The following FANCA variants were observed in gnomAD, a reference collection of about 807,000 sequenced individuals.
FANCA encodes the protein FA complementation group A.
A neutral mutation model predicts 194.3 loss-of-function variants in FANCA; 236 were observed. That is an observed-to-expected ratio of 1.21 (90% confidence interval 1.09 to 1.35). The LOEUF (loss-of-function observed/expected upper bound fraction) is 1.35. Among genes scored for constraint, FANCA ranks in the 40% most tolerant of loss-of-function variants. FANCA has a pLI of 0.00. For synonymous variants in FANCA, 1,014 were observed against 715.8 expected (o/e 1.42, Z -6.65); for missense variants, 2,628 against 1,813.9 (o/e 1.45, Z -8.15).
At position 89,742,914 on chromosome 16, in the gene FANCA, G is replaced by C; in HGVS notation, c.3651C>G (p.Ser1217=). The C allele has an allele frequency of 6.2e-7, 1 of 1,614,142 alleles. No homozygotes were observed. Among genetic ancestry groups the C allele is most frequent in the Non-Finnish European group, 8.5e-7 (1 of 1,180,010 alleles). ...AGAGCCAGTCCGGGTTGGGTGCTGG[G>C]GAGGCAGCCTCAGGGGAGAGGAAAC... is the stretch of plus-strand genomic sequence containing the variant. ...ASDFLSPEAA[S]PAPNPDWLSA... Residue 1217 remains serine, a synonymous_variant, in exon 37 of 43, where the codon TCC becomes TCG. Transcript: ENST00000389301.
chr16:89,756,320 T>A (rs1158625866), intron 30 of FANCA, among the ~76,000 whole-genome samples: 1 of 152,192 alleles, frequency 6.6e-6, no homozygotes, highest in Non-Finnish European at 1.5e-5. Flanking sequence ...TAGCACTTAA[T>A]ACCCACTAGG....
chr16:89,767,036 C>G, intron 27 of FANCA, 105 bp downstream of exon 27: 1 of 936,370 alleles, frequency 1.1e-6, no homozygotes, highest in Non-Finnish European at 1.8e-6. Context: ...GGAGCTGCCC[C>G]TGAGATGGGC....
chr16:89,769,947 G>C lies in FANCA; in HGVS notation c.2394C>G (p.Leu798=), dbSNP rs765883419. 1.9e-6 allele frequency: 3 copies of C among 1,614,086 alleles called. No individual in the cohort carries two copies. The highest frequency in any genetic ancestry group is 1.1e-5 in the South Asian group (1 of 91,088). Residue 798 remains leucine (L), a synonymous_variant, in exon 26 of 43, where the codon CTC becomes CTG. Coordinates refer to ENST00000389301, the MANE Select transcript of FANCA (RefSeq NM_000135.4). ...AVHLGESRSA[L]PEVDVGPPAP... ...CAGGAGGACCCACATCCACCTCTGG[G>C]AGCGCAGACCTGGACTCACCCAGGT...
At chr16:89,788,237 C>T (rs760604590) in intron 14 of FANCA, among the ~76,000 whole-genome samples, 1 of 151,718 alleles carries the variant, frequency 6.6e-6, no homozygotes, top group African/African-American at 2.4e-5. Flanking sequence ...CTAAGTGGGG[C>T]GGATGACAAA....
chr16:89,781,500 C>T (rs1214259545), intron 17 of FANCA, among the ~76,000 whole-genome samples: 9 of 147,722 alleles, frequency 6.1e-5, no homozygotes, highest in African/African-American at 2.2e-4. Context: ...GGTGAAACCC[C>T]ATCTCTACTA....
At chr16:89,777,031 G>GA (rs1203401295) in intron 20 of FANCA, among the ~76,000 whole-genome samples, 1 of 152,118 alleles carries the variant, frequency 6.6e-6, no homozygotes, top group Non-Finnish European at 1.5e-5. Context: ...GCAACACAGC[G>GA]AAAATCCGTG....
chr16:89,739,933 T>C (rs1382310475), intron 39 of FANCA, 61 bp downstream of exon 39: 1 of 1,605,956 alleles, frequency 6.2e-7, no homozygotes, highest in South Asian at 1.1e-5. Flanking sequence ...CTTAACCATT[T>C]GCAAGATGCC....
intron 36 of FANCA, 157 bp downstream of exon 36, chr16:89,744,802 G>T: frequency 2.8e-6 from 2 of 720,444 alleles, no homozygotes; most frequent in Non-Finnish European, 4.9e-6. Context: ...GATTACAGGC[G>T]CCCACCACCA....
At chr16:89,760,564 C>T (rs552778349) in intron 29 of FANCA, among the ~76,000 whole-genome samples, 22 of 152,268 alleles carry the variant, frequency 1.4e-4, no homozygotes, top group African/African-American at 4.1e-4. Flanking sequence ...ATTCCCCTCT[C>T]CCTGACCTCC....
At chr16:89,804,860 C>T (rs1020660719) in intron 7 of FANCA, among the ~76,000 whole-genome samples, 14 of 151,924 alleles carry the variant, frequency 9.2e-5, no homozygotes, top group African/African-American at 3.1e-4. Flanking sequence ...AATGAAACCC[C>T]GTCTCTACTA....
At position 89,784,893 on chromosome 16, in the gene FANCA, C is replaced by G. The variant is rs776871665; in HGVS notation, c.1431G>C (p.Leu477Phe). The G allele has an allele frequency of 2.5e-6, 4 of 1,614,158 alleles. No homozygotes were observed. The highest frequency in any genetic ancestry group is 3.4e-6 in the Non-Finnish European group (4 of 1,180,020). The change falls in exon 15 of 43, where the codon TTG becomes TTC. Residue 477 changes from leucine (L) to phenylalanine (F), a missense_variant. Leu to Phe is a conservative substitution (Grantham distance 22, BLOSUM62 0). Transcript: ENST00000389301. The stretch of plus-strand genomic sequence containing the variant: ...GAGACTCAAAAGGCACGAGTTCTGA[C>G]AAGAACGTAAACAGGAAGACCAGGG... ...KKALVFLFTF[L>F]SELVPFESPR...
chr16:89,770,970 A>G (rs754786216), intron 23 of FANCA, among the ~76,000 whole-genome samples: 1 of 152,046 alleles, frequency 6.6e-6, no homozygotes, highest in Non-Finnish European at 1.5e-5. Context: ...GTCGAGCCCA[A>G]CCTGGTCAAC....
chr16:89,808,172 G>A lies in FANCA; in HGVS notation c.596+122C>T, dbSNP rs1357979960. 4.6e-5 allele frequency: 40 copies of A among 874,784 alleles called. 1 individual carries two copies. Among genetic ancestry groups the A allele is most frequent in the South Asian group, 4.2e-4 (32 of 75,814 alleles). The allele number at this position is 874,784 out of a possible 1,614,324, so 54.2% of individuals were successfully genotyped here. On this transcript the variant is annotated intron_variant, in intron 6 of 42. Coordinates refer to ENST00000389301, the MANE Select transcript of FANCA (RefSeq NM_000135.4). Reference sequence around the variant, plus strand: ...TAGTATAAATATGCAATGCAATCTAGTCTAGTACAAATTATATGTCAAAGC... The same window carrying A: ...TAGTATAAATATGCAATGCAATCTAATCTAGTACAAATTATATGTCAAAGC...
At chr16:89,807,800 G>A (rs796797314) in intron 6 of FANCA, among the ~76,000 whole-genome samples, 35 of 151,810 alleles carry the variant, frequency 2.3e-4, no homozygotes, top group South Asian at 4.2e-4. Context: ...GGAGAATGGC[G>A]TGAACCCGGG....
chr16:89,763,071 C>G (rs1388990850), intron 28 of FANCA, among the ~76,000 whole-genome samples: 3 of 150,972 alleles, frequency 2.0e-5, no homozygotes, highest in Non-Finnish European at 4.4e-5. Flanking sequence ...CACAGTGAAA[C>G]CCCATCTCTA....
chr16:89,751,005 A>C (rs1020059653), intron 31 of FANCA, among the ~76,000 whole-genome samples: 2 of 152,120 alleles, frequency 1.3e-5, no homozygotes. Context: ...GATTCTCCTA[A>C]GTCAGCTTCC....
intron 29 of FANCA, among the ~76,000 whole-genome samples, chr16:89,759,842 G>A (rs1458906649): frequency 5.3e-5 from 8 of 152,178 alleles, no homozygotes; most frequent in Non-Finnish European, 7.4e-5. Flanking sequence ...CCAGGAAAAC[G>A]CTCCACACGA....
chr16:89,771,977 G>A (rs2039342558), intron 22 of FANCA, among the ~76,000 whole-genome samples, 163 bp from the exon 23 acceptor site: 2 of 152,224 alleles, frequency 1.3e-5, no homozygotes, highest in African/African-American at 4.8e-5. Flanking sequence ...TCGCCCCGCA[G>A]GATTTGCAGC....
Position 89,791,425 on chromosome 16 carries a change from A to G in FANCA, c.1337T>C (p.Leu446Pro). The G allele has an allele frequency of 5.6e-6, 9 of 1,614,112 alleles. No individual in the cohort carries two copies. Among genetic ancestry groups the G allele is most frequent in the Non-Finnish European group, 7.6e-6 (9 of 1,179,982 alleles). ...TACCTTGAACCAGTCTGCATATGAC[A>G]GGAACGCAGAGGGGCCCTCCAGTGC... ...QAALEGPSAF[L>P]SYADWFKASF... The change falls in exon 14 of 43, where the codon CTG becomes CCG. Residue 446 changes from leucine (L) to proline (P), a missense_variant. Leu to Pro is a moderately conservative substitution (Grantham distance 98). Coordinates refer to ENST00000389301, the MANE Select transcript of FANCA (RefSeq NM_000135.4).
Sources: gnomAD v4.1 joint callset for allele counts (sites outside exome capture counted in the v4.1 genomes callset) on GRCh38, gnomAD v4.1.1 for gene constraint, MANE v1.5 for transcripts, NCBI Gene and HGNC (gene_info 2026-07-23, HGNC 2026-07-21) for gene names.